The following CDK14 variants were observed in gnomAD, a reference collection of about 807,000 sequenced individuals.
CDK14 encodes cyclin-dependent kinase 14.
A neutral mutation model predicts 60.7 loss-of-function variants in CDK14; 34 were observed. The ratio of observed to expected loss-of-function variants is 0.56; its 90% CI spans 0.43 to 0.75. CDK14 has a LOEUF of 0.75. Ranked by LOEUF, CDK14 falls within the 30% of genes least tolerant of loss-of-function variation. CDK14 has a pLI of 0.00. For synonymous variants in CDK14, 197 were observed against 203.7 expected (o/e 0.97, Z 0.28); for missense variants, 482 against 564.1 (o/e 0.85, Z 1.47).
chr7:91,127,613 G>A (rs1799992473), intron 14 of CDK14, among the ~76,000 whole-genome samples: 1 of 152,028 alleles, frequency 6.6e-6, no homozygotes, highest in Non-Finnish European at 1.5e-5. Flanking sequence ...AAAAATGTAT[G>A]TACATTTTAG....
intron 10 of CDK14, among the ~76,000 whole-genome samples, chr7:91,006,365 G>T (rs1352801685): frequency 6.6e-6 from 1 of 152,164 alleles, no homozygotes; most frequent in East Asian, 1.9e-4. Flanking sequence ...GGCAAGTTAA[G>T]TAGAAAGAAG....
chr7:91,104,063 T>C (rs1799217586), intron 12 of CDK14, among the ~76,000 whole-genome samples: 1 of 152,200 alleles, frequency 6.6e-6, no homozygotes, highest in African/African-American at 2.4e-5. Flanking sequence ...AATTTTAAAA[T>C]TCCTTAGTTT....
At chr7:91,192,619 G>T (rs1404216112) in intron 14 of CDK14, among the ~76,000 whole-genome samples, 1 of 152,106 alleles carries the variant, frequency 6.6e-6, no homozygotes, top group Non-Finnish European at 1.5e-5. Flanking sequence ...AGGGTCATTG[G>T]CAAAGCCGTG....
chr7:90,660,277 A>C (rs921334829), intron 2 of CDK14, among the ~76,000 whole-genome samples: 2 of 152,154 alleles, frequency 1.3e-5, no homozygotes, highest in Non-Finnish European at 2.9e-5. Context: ...TAAATCAAAT[A>C]CTGGCTAACT....
intron 2 of CDK14, among the ~76,000 whole-genome samples, chr7:90,665,743 T>C (rs1057462648): frequency 2.6e-5 from 4 of 152,186 alleles, no homozygotes; most frequent in African/African-American, 9.6e-5. Context: ...ATTTCTGCAT[T>C]TGCAGCCCCT....
At chr7:90,873,813 G>A (rs1451021122) in intron 6 of CDK14, among the ~76,000 whole-genome samples, 1 of 151,954 alleles carries the variant, frequency 6.6e-6, no homozygotes. Context: ...ACAATGCAAA[G>A]CGAGAATTTG....
chr7:91,028,671 A>G (rs563518877), intron 10 of CDK14, among the ~76,000 whole-genome samples: 1 of 152,104 alleles, frequency 6.6e-6, no homozygotes, highest in Non-Finnish European at 1.5e-5. Flanking sequence ...CATTTCCCTG[A>G]TGATTACTTA....
chr7:90,838,340 C>T (rs1042983732), intron 5 of CDK14, among the ~76,000 whole-genome samples: 1 of 151,966 alleles, frequency 6.6e-6, no homozygotes, highest in African/African-American at 2.4e-5. Context: ...CAGGACCCTG[C>T]GATGATTGCG....
rs373862013 is a variant in CDK14, at chr7:90,726,432, C to T, written c.124-135C>T. On this transcript the variant is annotated intron_variant, in intron 2 of 14. Coordinates refer to ENST00000380050, the MANE Select transcript of CDK14 (RefSeq NM_001287135.2). ...TTTTGTACTGTAATTTATGCTGATG[C>T]AGCTTTTAGAATGTGGGCTTTTTGG... is the stretch of plus-strand genomic sequence containing the variant. The T allele has an allele frequency of 2.5e-5, 31 of 1,229,698 alleles. 2 individuals are homozygous for T. The East Asian group carries it at 2.5e-4, about 10-fold the overall frequency. The allele number at this position is 1,229,698 out of a possible 1,614,324, so 76.2% of individuals were successfully genotyped here. A position where few individuals can be genotyped will look rare whatever the true frequency, so the allele number is the denominator to read the frequency against.
chr7:90,805,456 C>G (rs909003257), intron 5 of CDK14, among the ~76,000 whole-genome samples: 2 of 149,158 alleles, frequency 1.3e-5, no homozygotes, highest in African/African-American at 4.9e-5. Context: ...ACACACACAG[C>G]CATATTTGTG....
intron 5 of CDK14, among the ~76,000 whole-genome samples, chr7:90,836,213 T>C (rs1410423823): frequency 6.6e-6 from 1 of 152,156 alleles, no homozygotes; most frequent in Non-Finnish European, 1.5e-5. Context: ...TTTTTTACTT[T>C]ATAAACTTTG....
Position 91,207,696 on chromosome 7 carries a change from A to G in CDK14, c.*560A>G, listed in dbSNP as rs879291927. On this transcript the variant is annotated 3_prime_UTR_variant, in exon 15 of 15. Transcript: ENST00000380050. ...ACTTGGCCCCGGACTGTGGGGCCCC[A>G]CCTGTTGCTTACCTTTTGAGGTAAT... 6.6e-6 allele frequency: 1 copy of G among 152,596 alleles called. No homozygotes were observed. Among genetic ancestry groups the G allele is most frequent in the African/African-American group, 2.4e-5 (1 of 41,454 alleles). 9.5% of individuals were successfully genotyped at this position (152,596 alleles called of 1,614,324 possible). A position where few individuals can be genotyped will look rare whatever the true frequency, so the allele number is the denominator to read the frequency against.
intron 2 of CDK14, among the ~76,000 whole-genome samples, chr7:90,606,146 C>G (rs1292566467): frequency 6.6e-6 from 1 of 152,140 alleles, no homozygotes; most frequent in Non-Finnish European, 1.5e-5. Context: ...ATAATTTTCC[C>G]ACTCCATCAT....
intron 3 of CDK14, among the ~76,000 whole-genome samples, chr7:90,735,309 A>G (rs1456783183): frequency 6.6e-6 from 1 of 152,194 alleles, no homozygotes; most frequent in Non-Finnish European, 1.5e-5. Flanking sequence ...TTGAGGAGGC[A>G]GTCTGTCCCT....
chr7:91,024,978 A>G (rs1348283067), intron 10 of CDK14, among the ~76,000 whole-genome samples: 1 of 152,196 alleles, frequency 6.6e-6, no homozygotes, highest in East Asian at 1.9e-4. Flanking sequence ...GCCAGTTCTC[A>G]AATGCAAATA....
chr7:91,069,408 GTGAGTGCCTGTAGTCTCAGGTAC>G (rs1798071701), intron 11 of CDK14, among the ~76,000 whole-genome samples: 1 of 152,088 alleles, frequency 6.6e-6, no homozygotes, highest in African/African-American at 2.4e-5. Flanking sequence ...AGGCATGGTG[GTGAGTGCCTGTAGTCTCAGGTAC>G]TTGGGAGGCT....
intron 4 of CDK14, among the ~76,000 whole-genome samples, chr7:90,756,805 C>T (rs528939860): frequency 6.6e-6 from 1 of 152,336 alleles, no homozygotes; most frequent in South Asian, 2.1e-4. Context: ...TAAACATAAT[C>T]TTTTGCATCC....
intron 14 of CDK14, among the ~76,000 whole-genome samples, chr7:91,179,450 C>T (rs1395739183): frequency 6.6e-6 from 1 of 150,824 alleles, no homozygotes; most frequent in Admixed American, 6.6e-5. Context: ...CACATGTATA[C>T]ATATGTAACT....
At chr7:91,083,971 T>TAAAGTTGTGAAAAA (rs1798555151) in intron 12 of CDK14, among the ~76,000 whole-genome samples, 1 of 152,206 alleles carries the variant, frequency 6.6e-6, no homozygotes, top group South Asian at 2.1e-4. Context: ...TCTCCACAGA[T>TAAAGTTGTGAAAAA]ATAGTTGTGA....
Sources: gnomAD v4.1 joint callset for allele counts (sites outside exome capture counted in the v4.1 genomes callset) on GRCh38, gnomAD v4.1.1 for gene constraint, MANE v1.5 for transcripts, NCBI Gene and HGNC (gene_info 2026-07-23, HGNC 2026-07-21) for gene names.